TMF1: variants seen among roughly 807,000 people sequenced by gnomAD.
The protein encoded by TMF1 is TATA element modulatory factor 1.
Under a neutral mutation model 126.5 loss-of-function variants are expected in TMF1, and 71 were observed. The ratio of observed to expected loss-of-function variants is 0.56; its 90% CI spans 0.46 to 0.68. The LOEUF is 0.68. Among genes scored for constraint, TMF1 ranks in the 30% least tolerant of loss-of-function variants. TMF1 has a pLI of 0.00. For missense variants in TMF1, 1,259 were observed against 1,253.2 expected, an observed-to-expected ratio of 1.00 and a Z score of -0.07; for synonymous variants, 461 against 430.5, an observed-to-expected ratio of 1.07 and a Z score of -0.88.
At position 69,020,527 on chromosome 3, in the gene TMF1, T is replaced by C. The variant is rs1284073495; in HGVS notation, c.*2650A>G. ...TTCTTTCAAGAATGGAAACATCTAA[T>C]TGCAAATCATTTTCCTATCCATTAA... On this transcript the variant is annotated 3_prime_UTR_variant, in exon 17 of 17. Coordinates refer to ENST00000398559, the MANE Select transcript of TMF1 (RefSeq NM_007114.3). The C allele has an allele frequency of 2.0e-5, 3 of 152,174 alleles. No individual in the cohort carries two copies. Among genetic ancestry groups the C allele is most frequent in the African/African-American group, 7.2e-5 (3 of 41,460 alleles). 9.4% of individuals were successfully genotyped at this position (152,174 alleles called of 1,614,324 possible). A position where few individuals can be genotyped will look rare whatever the true frequency, so the allele number is the denominator to read the frequency against.
At position 69,026,057 on chromosome 3, in the gene TMF1, G is replaced by A. The variant is rs927715277; in HGVS notation, c.2798C>T (p.Ser933Leu). The A allele has an allele frequency of 4.3e-6, 7 of 1,613,984 alleles. No individual in the cohort carries two copies. The highest frequency in any genetic ancestry group is 5.9e-6 in the Non-Finnish European group (7 of 1,180,004). Residue 933 changes from serine (S) to leucine (L), a missense_variant, in exon 14 of 17, where the codon TCA (serine) becomes TTA (leucine). Ser to Leu is a moderately radical substitution (Grantham distance 145). Coordinates refer to ENST00000398559, the MANE Select transcript of TMF1 (RefSeq NM_007114.3). ...AACACCACTTATTGAACTTGAGCGTGACATGGTGGGAGTGCTAGAAACAGA... is the reference window on the plus strand; with the variant it reads ...AACACCACTTATTGAACTTGAGCGTAACATGGTGGGAGTGCTAGAAACAGA... Reference protein sequence around the residue: ...PFSVSSTPTMSRSSSISGVDM... With the variant: ...PFSVSSTPTMLRSSSISGVDM...
chr3:69,026,579 C>A (rs1376722768), intron 13 of TMF1, among the ~76,000 whole-genome samples: 2 of 152,146 alleles, frequency 1.3e-5, no homozygotes, highest in Non-Finnish European at 2.9e-5. Context: ...GAGATAGCAC[C>A]ACTACACTCC....
chr3:69,038,365 A>C (rs1447361874), intron 8 of TMF1, among the ~76,000 whole-genome samples, 199 bp downstream of exon 8: 1 of 152,220 alleles, frequency 6.6e-6, no homozygotes, highest in East Asian at 1.9e-4. Context: ...ACTCAAAAAA[A>C]TTAAACAATA....
chr3:69,026,956 G>A (rs554951619), intron 13 of TMF1, among the ~76,000 whole-genome samples: 278 of 151,752 alleles, frequency 1.8e-3, no homozygotes, highest in African/African-American at 6.5e-3. Context: ...CCAAGTACAC[G>A]GTAATTCTTT....
rs867548124 is a variant in TMF1 at position 69,039,480 on chromosome 3, A to G, written c.1827+71T>C. ...CCCATTAAATCTTTTCAAATGCTCC[A>G]TAACCATGGCCAACTGTTCATACAG... is the stretch of plus-strand genomic sequence containing the variant. On this transcript the variant is annotated intron_variant, in intron 6 of 16. Coordinates refer to ENST00000398559, the MANE Select transcript of TMF1 (RefSeq NM_007114.3). The G allele has an allele frequency of 1.9e-5, 29 of 1,507,904 alleles. No homozygotes were observed. The Middle Eastern group carries it at 4.0e-3, about 209-fold the overall frequency. 93.4% of individuals were successfully genotyped at this position (1,507,904 alleles called of 1,614,324 possible).
intron 1 of TMF1, among the ~76,000 whole-genome samples, chr3:69,051,595 G>A (rs770038235): frequency 2.6e-5 from 4 of 152,192 alleles, no homozygotes; most frequent in Admixed American, 1.3e-4. Context: ...AACAGTGCCC[G>A]AGACGCGAAG....
chr3:69,049,631 T>C (rs2091915044), intron 1 of TMF1, among the ~76,000 whole-genome samples: 1 of 152,194 alleles, frequency 6.6e-6, no homozygotes, highest in African/African-American at 2.4e-5. Flanking sequence ...TAAGAACTAT[T>C]GCTCTTTGAC....
rs79188160 is a variant in TMF1, at chr3:69,031,256, G to A, written c.2402-1249C>T. ...GATTTGGGACAAGGGAGGAAGGGTT[G>A]AGAGAGTGGTAGGTGTGTTTCCAAA... is the stretch of plus-strand genomic sequence containing the variant. On this transcript the variant is annotated intron_variant, in intron 10 of 16. Coordinates refer to ENST00000398559, the MANE Select transcript of TMF1 (RefSeq NM_007114.3). 9.1e-3 allele frequency among the ~76,000 whole-genome samples: 1,382 copies of A among 152,270 alleles called. 18 individuals are homozygous for A. The highest frequency in any genetic ancestry group is 0.031 in the African/African-American group (1,302 of 41,556).
chr3:69,039,655 T>C lies in TMF1; in HGVS notation c.1723A>G (p.Ile575Val), dbSNP rs1426935490. 1 of 1,613,314 alleles carries C rather than the reference T, an allele frequency of 6.2e-7. No individual in the cohort carries two copies. The highest frequency in any genetic ancestry group is 2.2e-5 in the East Asian group (1 of 44,824). The change falls in exon 6 of 17, where the codon ATC (isoleucine) becomes GTC (valine). Residue 575 changes from isoleucine (I) to valine (V), a missense_variant. Transcript: ENST00000398559. ...TCTTTAGCTCTTAATTTCTTGATGATGTTAGAATTGTGCAGCTGCTGTTTT... is the reference window on the plus strand; with the variant it reads ...TCTTTAGCTCTTAATTTCTTGATGACGTTAGAATTGTGCAGCTGCTGTTTT... ...LSKQQLHNSN[I>V]IKKLRAKDKE...
Position 69,038,929 on chromosome 3 carries a change from C to T in TMF1, c.1908G>A (p.Glu636=). The change falls in exon 7 of 17, where the codon GAG becomes GAA. Residue 636 remains glutamate, a synonymous_variant. Transcript: ENST00000398559. ...CTACCTGAAGACGGCCAAGATCTTT[C>T]TCTTGGCGTTCTACCATGGAATTTA... is the stretch of plus-strand genomic sequence containing the variant. The part of the protein sequence containing the change: ...KKLNSMVERQ[E]KDLGRLQVDM... 6.2e-7 allele frequency: 1 copy of T among 1,611,830 alleles called. No individual in the cohort carries two copies. Among genetic ancestry groups the T allele is most frequent in the Non-Finnish European group, 8.5e-7 (1 of 1,179,258 alleles).
In TMF1 at chr3:69,052,212, T is replaced by C; in HGVS notation, c.-126A>G. The C allele has an allele frequency of 9.0e-7, 1 of 1,106,022 alleles. No homozygotes were observed. The highest frequency in any genetic ancestry group is 1.2e-6 in the Non-Finnish European group (1 of 803,890). The allele number at this position is 1,106,022 out of a possible 1,614,324, so 68.5% of individuals were successfully genotyped here. A position where few individuals can be genotyped will look rare whatever the true frequency, so the allele number is the denominator to read the frequency against. ...GGCTGGTTCTGTCAGCGTGTGGCCA[T>C]TACCCCGACAGCCTCCCGCGAGCCC... On this transcript the variant is annotated 5_prime_UTR_variant, in exon 1 of 17. An upstream start codon of the reference 5' UTR is lost. Transcript: ENST00000398559.
At chr3:69,051,123 T>C (rs1373543859) in intron 1 of TMF1, among the ~76,000 whole-genome samples, 1 of 152,166 alleles carries the variant, frequency 6.6e-6, no homozygotes, top group Non-Finnish European at 1.5e-5. Flanking sequence ...GGCCTCATTT[T>C]CCTCTTATGT....
intron 9 of TMF1, 37 bp downstream of exon 9, chr3:69,034,986 C>G (rs1176678093): frequency 6.5e-7 from 1 of 1,533,458 alleles, no homozygotes; most frequent in Non-Finnish European, 9.0e-7. Context: ...AAAACACATA[C>G]TTCTTGGATT....
rs2091737086 is a variant in TMF1, at chr3:69,021,452, C to G, written c.*1725G>C. 1 of 152,450 alleles carries G rather than the reference C, an allele frequency of 6.6e-6. No homozygotes were observed. Among genetic ancestry groups the G allele is most frequent in the African/African-American group, 2.4e-5 (1 of 41,394 alleles). 9.4% of individuals were successfully genotyped at this position (152,450 alleles called of 1,614,324 possible). A position where few individuals can be genotyped will look rare whatever the true frequency, so the allele number is the denominator to read the frequency against. The stretch of plus-strand genomic sequence containing the variant: ...CAAAAAGCTATTAGACTACTTTTTA[C>G]TACTAAAATGAAGAAAATTAATTTT... On this transcript the variant is annotated 3_prime_UTR_variant, in exon 17 of 17. Coordinates refer to ENST00000398559, the MANE Select transcript of TMF1 (RefSeq NM_007114.3).
intron 6 of TMF1, 140 bp downstream of exon 6, chr3:69,039,411 T>TA: frequency 2.0e-6 from 2 of 999,702 alleles, no homozygotes. Context: ...TAAAAAATCT[T>TA]ATCATTTATC....
Position 69,047,823 on chromosome 3 carries a change from C to G in TMF1, c.882G>C (p.Gln294His), listed in dbSNP as rs1469811081. 7 of 1,614,026 alleles carry G rather than the reference C, an allele frequency of 4.3e-6. 1 individual carries two copies. Among genetic ancestry groups the G allele is most frequent in the Non-Finnish European group, 5.9e-6 (7 of 1,180,016 alleles). ...SSLHLMQTSF[Q>H]LLSASACPEY... ...CAGGACAAGCAGATGCAGAGAGAAG[C>G]TGAAAAGATGTCTGCATCAAGTGAA... Residue 294 changes from glutamine (Q) to histidine (H), a missense_variant, in exon 2 of 17, where the codon CAG (glutamine) becomes CAC (histidine). By Grantham distance (24) the Gln-to-His change is conservative. Transcript: ENST00000398559.
intron 8 of TMF1, chr3:69,035,367 C>A: frequency 2.2e-6 from 1 of 448,228 alleles, no homozygotes; most frequent in South Asian, 2.8e-5. Flanking sequence ...TAAGGCATAG[C>A]CATTACCATA....
In TMF1 at chr3:69,029,886, T is replaced by C. The variant is rs61737464; in HGVS notation, c.2523A>G (p.Glu841=). The C allele has an allele frequency of 1.9e-3, 3,013 of 1,614,152 alleles. 59 individuals are homozygous for C. In the African/African-American group the frequency reaches 0.035, roughly 19 times the overall value. The change falls in exon 11 of 17, where the codon GAA becomes GAG. Residue 841 remains glutamate (E), a synonymous_variant. Coordinates refer to ENST00000398559, the MANE Select transcript of TMF1 (RefSeq NM_007114.3). ...CTAGCTGGGCTTGAAATCTACTGTT[T>C]TCCTGTCTTAAAAGAGAATTCTGTG... ...MESQNSLLRQ[E]NSRFQAQLES...
Position 69,029,945 on chromosome 3 carries a change from G to T in TMF1, c.2464C>A (p.Leu822Ile). 1.2e-6 allele frequency: 2 copies of T among 1,614,148 alleles called. No individual in the cohort carries two copies. Among genetic ancestry groups the T allele is most frequent in the Non-Finnish European group, 1.7e-6 (2 of 1,180,016 alleles). Residue 822 changes from leucine to isoleucine, a missense_variant, in exon 11 of 17, where the codon CTT becomes ATT. Coordinates refer to ENST00000398559, the MANE Select transcript of TMF1 (RefSeq NM_007114.3). ...ERERAATEEL[L>I]ANKIQMSSME... ...GAAGACATCTGAATTTTGTTAGCAA[G>T]GAGTTCTTCTGTAGCTGCACGTTCT...
Sources: allele counts gnomAD v4.1 joint callset (sites outside exome capture counted in the v4.1 genomes callset), GRCh38; gene constraint gnomAD v4.1.1; transcripts MANE v1.5; gene names NCBI Gene and HGNC (gene_info 2026-07-23, HGNC 2026-07-21).